The following ZNF395 variants were observed in gnomAD, a reference collection of about 807,000 sequenced individuals.
ZNF395 encodes the protein zinc finger protein 395, also known as HD gene regulatory region-binding protein 2.
A neutral mutation model predicts 57.7 loss-of-function variants in ZNF395; 20 were observed. The observed-to-expected ratio is 0.35, with a 90% CI of 0.24 to 0.50. The LOEUF (loss-of-function observed/expected upper bound fraction) is 0.50. Among genes scored for constraint, ZNF395 ranks in the 20% least tolerant of loss-of-function variants. The probability of loss-of-function intolerance (pLI) is 0.97; values close to 1 mark genes in which losing one functional copy is unlikely to be tolerated. For missense variants in ZNF395, 606 were observed against 671.2 expected (o/e 0.90, Z 1.07); for synonymous variants, 295 against 275.9 (o/e 1.07, Z -0.69).
chr8:28,383,395 C>T (rs1802133539), intron 1 of ZNF395, among the ~76,000 whole-genome samples: 1 of 152,090 alleles, frequency 6.6e-6, no homozygotes, highest in Non-Finnish European at 1.5e-5. Context: ...TCACAATATC[C>T]CTAGGGCTAA....
chr8:28,379,123 T>A (rs1165607447), intron 1 of ZNF395, among the ~76,000 whole-genome samples: 1 of 152,222 alleles, frequency 6.6e-6, no homozygotes, highest in Non-Finnish European at 1.5e-5. Flanking sequence ...CCTTCCTATG[T>A]CTGATAACCA....
rs1051457611 is a variant in ZNF395, at chr8:28,359,275, G to A, written c.473+317C>T. Among the ~76,000 whole-genome samples the A allele has an allele frequency of 1.3e-5, 2 of 152,078 alleles. No individual in the cohort carries two copies. Among genetic ancestry groups the A allele is most frequent in the African/African-American group, 4.8e-5 (2 of 41,406 alleles). On this transcript the variant is annotated intron_variant, in intron 3 of 9. Coordinates refer to ENST00000344423, the MANE Select transcript of ZNF395 (RefSeq NM_018660.3). The surrounding 1 kb of genome is among the most constrained non-coding windows in gnomAD (Gnocchi z 4.7). ...AAATTAGCCAGGCGTGGTGGTGCACGCCTGTAATCCCAGTTACTCGGGAGG... is the reference window on the plus strand; with the variant it reads ...AAATTAGCCAGGCGTGGTGGTGCACACCTGTAATCCCAGTTACTCGGGAGG...
intron 1 of ZNF395, among the ~76,000 whole-genome samples, chr8:28,367,950 C>G (rs1044502762): frequency 6.6e-6 from 1 of 152,202 alleles, no homozygotes; most frequent in African/African-American, 2.4e-5. Flanking sequence ...CAGAAGGAAG[C>G]AGGTATAAGC....
At position 28,348,619 on chromosome 8, in the gene ZNF395, GTTCT is replaced by G. The variant is rs932835615; in HGVS notation, c.*96_*99del. 2.6e-5 allele frequency: 28 copies of G among 1,091,382 alleles called. No individual in the cohort carries two copies. The African/African-American group carries it at 4.3e-4, about 17-fold the overall frequency. 67.6% of individuals were successfully genotyped at this position (1,091,382 alleles called of 1,614,324 possible). ...AACAGAGCCCAAACTCCGTGTTTCCGTTCTTTCTCTTTCGGTTTCTGCTGAGGGC... is the reference window on the plus strand; with the variant it reads ...AACAGAGCCCAAACTCCGTGTTTCCGTTCTCTTTCGGTTTCTGCTGAGGGC... On this transcript the variant is annotated 3_prime_UTR_variant, in exon 10 of 10. Transcript: ENST00000344423.
chr8:28,378,388 G>A (rs1802069467), intron 1 of ZNF395, among the ~76,000 whole-genome samples: 1 of 152,130 alleles, frequency 6.6e-6, no homozygotes, highest in African/African-American at 2.4e-5. Context: ...ATGGGCAGGT[G>A]TACCATCATG....
At chr8:28,350,210 C>G (rs1801664389) in intron 7 of ZNF395, 54 bp from the exon 8 acceptor site, 3 of 1,466,394 alleles carry the variant, frequency 2.0e-6, no homozygotes, top group Non-Finnish European at 2.8e-6. Context: ...TGTTCAGAGT[C>G]TGCCCACAAT....
intron 1 of ZNF395, among the ~76,000 whole-genome samples, chr8:28,364,390 C>T (rs1391022563): frequency 6.6e-6 from 1 of 152,210 alleles, no homozygotes; most frequent in Non-Finnish European, 1.5e-5. Context: ...GTGGCTCACG[C>T]CTGTAATCCC....
intron 1 of ZNF395, among the ~76,000 whole-genome samples, chr8:28,382,472 A>C (rs912849344): frequency 6.6e-6 from 1 of 152,072 alleles, no homozygotes; most frequent in African/African-American, 2.4e-5. Flanking sequence ...CCTAACTCCA[A>C]GGCTTTGCCC....
At chr8:28,373,188 G>A (rs970914243) in intron 1 of ZNF395, among the ~76,000 whole-genome samples, 6 of 152,182 alleles carry the variant, frequency 3.9e-5, no homozygotes, top group African/African-American at 1.4e-4. Context: ...AGGCTGCAAA[G>A]GGGCCTCTGC....
chr8:28,357,464 C>T (rs527715474), intron 3 of ZNF395, among the ~76,000 whole-genome samples: 1 of 152,282 alleles, frequency 6.6e-6, no homozygotes, highest in South Asian at 2.1e-4. Context: ...TATATCACTA[C>T]ATTATTTGGA....
chr8:28,373,902 A>C (rs772283490), intron 1 of ZNF395, among the ~76,000 whole-genome samples: 5 of 152,208 alleles, frequency 3.3e-5, no homozygotes, highest in Non-Finnish European at 7.3e-5. Flanking sequence ...TAAGTGAGGA[A>C]CTGACCCCAT....
chr8:28,349,333 G>A (rs1801649554), intron 8 of ZNF395, 105 bp from the exon 9 acceptor site: 2 of 801,094 alleles, frequency 2.5e-6, no homozygotes, highest in Non-Finnish European at 3.7e-6. Flanking sequence ...GGTGCAGAAG[G>A]CCTCGCACCT....
intron 5 of ZNF395, among the ~76,000 whole-genome samples, 172 bp downstream of exon 5, chr8:28,353,001 G>T (rs956943418): frequency 1.3e-5 from 2 of 152,206 alleles, no homozygotes; most frequent in African/African-American, 2.4e-5. Flanking sequence ...AATAGGAGAA[G>T]GAGAATCCTG....
intron 3 of ZNF395, among the ~76,000 whole-genome samples, chr8:28,358,157 T>TC (rs1563338094): frequency 2.8e-5 from 4 of 144,184 alleles, no homozygotes; most frequent in Non-Finnish European, 6.1e-5. Context: ...TTTTCTTTTT[T>TC]TTTTTTTTTT....
intron 1 of ZNF395, chr8:28,385,281 G>A (rs1244093529): frequency 6.5e-6 from 1 of 152,680 alleles, no homozygotes; most frequent in Non-Finnish European, 1.5e-5. Context: ...CTGGCCAGGT[G>A]GGCTTCTTTA....
chr8:28,351,447 T>A (rs1801681451), intron 7 of ZNF395, 48 bp downstream of exon 7: 1 of 1,523,932 alleles, frequency 6.6e-7, no homozygotes, highest in Non-Finnish European at 8.8e-7. Context: ...AGCTGGCCCG[T>A]GATGAGTCAG....
intron 1 of ZNF395, among the ~76,000 whole-genome samples, chr8:28,373,359 G>T (rs781224798): frequency 3.3e-5 from 5 of 152,216 alleles, no homozygotes; most frequent in Non-Finnish European, 7.3e-5. Context: ...TCTATAGAGA[G>T]ATAGAGATGA....
At chr8:28,365,712 G>A (rs1801902538) in intron 1 of ZNF395, among the ~76,000 whole-genome samples, 1 of 152,150 alleles carries the variant, frequency 6.6e-6, no homozygotes. Flanking sequence ...CAACAGGAGG[G>A]GTTGGCTACC....
rs371451550 is a variant in ZNF395 at position 28,353,125 on chromosome 8, A to T, written c.819+48T>A. On this transcript the variant is annotated intron_variant, in intron 5 of 9. Coordinates refer to ENST00000344423, the MANE Select transcript of ZNF395 (RefSeq NM_018660.3). ...TCCACGGCTGGCTGTCCCCACACAG[A>T]CATCATCCGCTCCAGCCTGGGCTCC... The T allele has an allele frequency of 1.4e-4, 229 of 1,584,078 alleles. 1 individual carries two copies. The South Asian group carries it at 2.4e-3, about 17-fold the overall frequency.
Sources: gnomAD v4.1 joint callset for allele counts (sites outside exome capture counted in the v4.1 genomes callset) on GRCh38, gnomAD v4.1.1 for gene constraint, Gnocchi (gnomAD v3.1) non-coding constraint, MANE v1.5 for transcripts, NCBI Gene and HGNC (gene_info 2026-07-23, HGNC 2026-07-21) for gene names.